Variants in STARD9 observed in about 807,000 individuals in gnomAD.
STARD9 encodes the protein stAR-related lipid transfer protein 9.
A neutral mutation model predicts 399.8 loss-of-function variants in STARD9; 346 were observed. The ratio of observed to expected loss-of-function variants is 0.87; its 90% CI spans 0.79 to 0.95. The LOEUF is 0.95. STARD9 is among the 40% of genes least tolerant of loss of function. The pLI, the probability that STARD9 is intolerant of heterozygous loss-of-function variation, is 0.00. For synonymous variants in STARD9, 2,203 were observed against 2,143.5 expected (o/e 1.03, Z -0.77); for missense variants, 5,832 against 5,667.5 (o/e 1.03, Z -0.93).
intron 7 of STARD9, among the ~76,000 whole-genome samples, chr15:42,646,862 C>G (rs1222268831): frequency 6.6e-6 from 1 of 152,174 alleles, no homozygotes; most frequent in Admixed American, 6.5e-5. Context: ...AAATGAGAGA[C>G]TCTTTCACTT....
intron 3 of STARD9, among the ~76,000 whole-genome samples, chr15:42,615,013 A>AT (rs111730580): frequency 0.3 from 41,101 of 135,798 alleles, 7,470 homozygotes; most frequent in African/African-American, 0.49. Flanking sequence ...ATAGTCAAGG[A>AT]TTTTTTTTTT....
chr15:42,629,103 A>G (rs567948102), intron 3 of STARD9, among the ~76,000 whole-genome samples: 38 of 152,022 alleles, frequency 2.5e-4, no homozygotes, highest in African/African-American at 8.4e-4. Flanking sequence ...CACTGTAGCC[A>G]TGACCTCCTG....
Position 42,694,680 on chromosome 15 carries a change from G to T in STARD9, c.12917G>T (p.Arg4306Leu). The change falls in exon 24 of 33, where the codon CGA becomes CTA. Residue 4306 changes from arginine (R) to leucine (L), a missense_variant. Physicochemically the swap from Arg to Leu is moderately radical, Grantham distance 102 (BLOSUM62 -2). Coordinates refer to ENST00000290607, the MANE Select transcript of STARD9 (RefSeq NM_020759.3). The part of the protein sequence containing the change: ...IWDLDLPSRR[R>L]EYLQQLRKDV... ...GATCTTGACTTGCCCAGCAGACGCC[G>T]AGAATACCTGCAGCAACTGAGGAAG... is the stretch of plus-strand genomic sequence containing the variant. 1.3e-6 allele frequency: 2 copies of T among 1,537,172 alleles called. No homozygotes were observed. The highest frequency in any genetic ancestry group is 1.2e-5 in the South Asian group (1 of 84,052).
intron 26 of STARD9, among the ~76,000 whole-genome samples, chr15:42,696,585 G>T (rs144625209): frequency 2.0e-5 from 3 of 152,324 alleles, no homozygotes; most frequent in Admixed American, 6.5e-5. Context: ...TTAAGTAGGG[G>T]AGTAGAATGA....
intron 7 of STARD9, among the ~76,000 whole-genome samples, chr15:42,650,449 T>TAG (rs1381397851): frequency 2.0e-5 from 3 of 152,230 alleles, no homozygotes; most frequent in Non-Finnish European, 4.4e-5. Context: ...CCCCATTCTA[T>TAG]AGTGGCTAAA....
At position 42,691,557 on chromosome 15, in the gene STARD9, TCA is replaced by T; in HGVS notation, c.9980_9981del (p.Ser3327CysfsTer29). 1 of 1,537,250 alleles carries T rather than the reference TCA, an allele frequency of 6.5e-7. No homozygotes were observed. Among genetic ancestry groups the T allele is most frequent in the Non-Finnish European group, 8.7e-7 (1 of 1,146,916 alleles). On this transcript the variant is annotated frameshift_variant, in exon 23 of 33. Transcript: ENST00000290607. LOFTEE classifies it high-confidence loss of function. The part of the protein sequence containing the change: ...HSRSSPTPQF[S>X]VVGSSRSLQE... ...CAGGTCCTCCCCCACACCACAGTTC[TCA>T]GTTGTCGGCTCTTCTCGTTCTCTTC...
At chr15:42,596,288 A>G (rs1477357239) in intron 3 of STARD9, among the ~76,000 whole-genome samples, 2 of 152,012 alleles carry the variant, frequency 1.3e-5, no homozygotes, top group South Asian at 2.1e-4. Context: ...ATGTTACCCC[A>G]TTTTTCTCTT....
chr15:42,585,062 G>A (rs2058247750), intron 2 of STARD9, among the ~76,000 whole-genome samples: 1 of 152,066 alleles, frequency 6.6e-6, no homozygotes, highest in Non-Finnish European at 1.5e-5. Context: ...TGTTTATAAA[G>A]TGTATATGAA....
In STARD9 at chr15:42,692,044, G is replaced by A; in HGVS notation, c.10466G>A (p.Gly3489Asp). 2 of 1,537,236 alleles carry A rather than the reference G, an allele frequency of 1.3e-6. No homozygotes were observed. The highest frequency in any genetic ancestry group is 1.7e-6 in the Non-Finnish European group (2 of 1,146,916). ...ARISWKQYMS[G>D]SAVDVSCSQK... ...ATCAGCTGGAAGCAGTATATGTCTG[G>A]CAGTGCAGTCGATGTTTCCTGCAGC... Residue 3489 changes from glycine to aspartate, a missense_variant, in exon 23 of 33, where the codon GGC (glycine) becomes GAC (aspartate). By Grantham distance (94) the Gly-to-Asp change is moderately conservative. This residue lies in a region of STARD9 where 5,828 missense variants were observed against 5,651.1 expected (regional missense o/e 1.03). Coordinates refer to ENST00000290607, the MANE Select transcript of STARD9 (RefSeq NM_020759.3).
intron 15 of STARD9, among the ~76,000 whole-genome samples, chr15:42,667,444 A>G (rs569045927): frequency 2.3e-4 from 34 of 150,128 alleles, no homozygotes; most frequent in Non-Finnish European, 4.3e-4. Flanking sequence ...CGGCCTCTCA[A>G]AGTGCTGGGA....
intron 7 of STARD9, among the ~76,000 whole-genome samples, chr15:42,642,936 C>T (rs2059569965): frequency 6.6e-6 from 1 of 151,926 alleles, no homozygotes; most frequent in African/African-American, 2.4e-5. Flanking sequence ...GTAGCTGATA[C>T]TACAGACATG....
At chr15:42,587,246 T>C (rs1372722859) in intron 3 of STARD9, among the ~76,000 whole-genome samples, 2 of 152,228 alleles carry the variant, frequency 1.3e-5, no homozygotes, top group African/African-American at 2.4e-5. Context: ...TATTGTAGAC[T>C]TCTGAAGATG....
intron 26 of STARD9, among the ~76,000 whole-genome samples, chr15:42,703,011 T>C (rs551526590): frequency 1.3e-5 from 2 of 152,064 alleles, no homozygotes; most frequent in Admixed American, 1.3e-4. Flanking sequence ...CCCAGGCTGG[T>C]CTTGAACTTC....
intron 3 of STARD9, among the ~76,000 whole-genome samples, chr15:42,633,728 C>T (rs944628066): frequency 4.6e-5 from 7 of 151,412 alleles, no homozygotes; most frequent in South Asian, 2.1e-4. Context: ...ATTGCACTTC[C>T]GCTTCCTGGG....
At chr15:42,708,831 C>T (rs957945076) in intron 26 of STARD9, among the ~76,000 whole-genome samples, 6 of 151,976 alleles carry the variant, frequency 3.9e-5, no homozygotes, top group Admixed American at 2.6e-4. Flanking sequence ...TGAAGTTATG[C>T]GTTTTTGGCA....
intron 16 of STARD9, chr15:42,671,712 AAG>A: frequency 6.7e-6 from 1 of 149,434 alleles, no homozygotes; most frequent in Middle Eastern, 3.4e-3. Context: ...AAAGGAAAAA[AAG>A]GGGTGGGGGG....
In STARD9 at chr15:42,699,227, A is replaced by G. The variant is rs551967687; in HGVS notation, c.13284+3347A>G. On this transcript the variant is annotated intron_variant, in intron 26 of 32. Coordinates refer to ENST00000290607, the MANE Select transcript of STARD9 (RefSeq NM_020759.3). The stretch of plus-strand genomic sequence containing the variant: ...TTGAAATATACATTATATTGTTATT[A>G]GCTATAGTCACCCTATTGTGTAATA... Among the ~76,000 whole-genome samples the G allele has an allele frequency of 1.2e-4, 18 of 152,186 alleles. No homozygotes were observed. The South Asian group carries it at 3.7e-3, about 32-fold the overall frequency.
intron 20 of STARD9, among the ~76,000 whole-genome samples, chr15:42,678,039 C>T (rs1339507742): frequency 1.3e-5 from 2 of 152,206 alleles, no homozygotes; most frequent in African/African-American, 4.8e-5. Flanking sequence ...ATCAAGGCCT[C>T]TCCCACCCAC....
At chr15:42,655,199 T>C (rs1270032508) in intron 9 of STARD9, among the ~76,000 whole-genome samples, 1 of 152,180 alleles carries the variant, frequency 6.6e-6, no homozygotes, top group African/African-American at 2.4e-5. Context: ...GGAGAATTGC[T>C]TGAACCTGGG....
Sources: gnomAD v4.1 joint callset for allele counts (sites outside exome capture counted in the v4.1 genomes callset) on GRCh38, gnomAD v4.1.1 for gene constraint, gnomAD v4.1.1 regional missense constraint, MANE v1.5 for transcripts, NCBI Gene and HGNC (gene_info 2026-07-23, HGNC 2026-07-21) for gene names.